Variants in PHF21B observed in about 807,000 individuals in gnomAD.
PHF21B encodes PHD finger protein 21B.
In PHF21B, 22 loss-of-function variants were observed where a neutral mutation model predicts 62.2. The observed-to-expected ratio is 0.35, with a 90% CI of 0.25 to 0.51. The LOEUF is 0.51. Among genes scored for constraint, PHF21B ranks in the 20% least tolerant of loss-of-function variants. The probability of loss-of-function intolerance (pLI) is 0.97; values close to 1 mark genes in which losing one functional copy is unlikely to be tolerated. For missense variants in PHF21B, 701 were observed against 707.9 expected (o/e 0.99, Z 0.11); for synonymous variants, 341 against 314.7 (o/e 1.08, Z -0.88).
intron 2 of PHF21B, among the ~76,000 whole-genome samples, chr22:44,991,874 T>C (rs941065464): frequency 5.9e-5 from 9 of 152,270 alleles, no homozygotes; most frequent in Non-Finnish European, 1.2e-4. Context: ...TGTCTTCACT[T>C]TCTTTGGTTT....
intron 2 of PHF21B, among the ~76,000 whole-genome samples, chr22:44,930,041 C>A (rs2071709746): frequency 6.6e-6 from 1 of 152,248 alleles, no homozygotes. Flanking sequence ...TTCCCAGCAG[C>A]CAGAGGGAAG....
At chr22:45,008,409 A>C in intron 2 of PHF21B, 136 bp downstream of exon 2, 1 of 723,938 alleles carries the variant, frequency 1.4e-6, no homozygotes, top group Non-Finnish European at 1.9e-6. Context: ...AGGGGTGGGG[A>C]ACTTTGAGAA....
At chr22:44,913,404 A>G (rs914547751) in intron 5 of PHF21B, among the ~76,000 whole-genome samples, 1 of 152,174 alleles carries the variant, frequency 6.6e-6, no homozygotes. Context: ...GTAGTGGCCA[A>G]AAGTCCCCAC....
chr22:44,887,278 G>C (rs1428867164), intron 10 of PHF21B, among the ~76,000 whole-genome samples: 1 of 152,060 alleles, frequency 6.6e-6, no homozygotes, highest in Non-Finnish European at 1.5e-5. Flanking sequence ...CCACACTCAG[G>C]GGCCACACTC....
chr22:44,911,070 T>C (rs539206780), intron 5 of PHF21B, among the ~76,000 whole-genome samples: 8 of 152,330 alleles, frequency 5.3e-5, no homozygotes, highest in Non-Finnish European at 8.8e-5. Context: ...GGCGGCATTT[T>C]GCCTCTGCTC....
Position 44,899,371 on chromosome 22 carries a change from A to G in PHF21B, c.832-3288T>C, listed in dbSNP as rs190713794. Among the ~76,000 whole-genome samples the G allele has an allele frequency of 2.7e-3, 398 of 145,578 alleles. 2 individuals are homozygous for G. Among genetic ancestry groups the G allele is most frequent in the African/African-American group, 9.7e-3 (383 of 39,416 alleles). On this transcript the variant is annotated intron_variant, in intron 5 of 12. Transcript: ENST00000313237. ...AGTGGCATGATCTCAGCTCACTGCA[A>G]TCTCCGCCTCCTGGTTTCAACCGAT...
At chr22:44,943,719 C>T (rs1280222340) in intron 2 of PHF21B, among the ~76,000 whole-genome samples, 1 of 152,166 alleles carries the variant, frequency 6.6e-6, no homozygotes, top group Admixed American at 6.5e-5. Context: ...GACAGCGACT[C>T]CTGGGCCGTG....
At chr22:44,948,504 A>G (rs1171485832) in intron 2 of PHF21B, among the ~76,000 whole-genome samples, 2 of 151,684 alleles carry the variant, frequency 1.3e-5, no homozygotes, top group Non-Finnish European at 2.9e-5. Flanking sequence ...CAACACGGCA[A>G]AATCCATCTC....
chr22:45,007,800 G>C (rs910063903), intron 2 of PHF21B, among the ~76,000 whole-genome samples: 3 of 150,246 alleles, frequency 2.0e-5, no homozygotes, highest in African/African-American at 7.3e-5. Context: ...GGGGCGCGCG[G>C]CCGGCCGGGC....
intron 7 of PHF21B, 109 bp downstream of exon 7, chr22:44,893,348 G>A (rs566338684): frequency 1.7e-5 from 17 of 1,028,264 alleles, no homozygotes; most frequent in South Asian, 7.5e-5. Flanking sequence ...AGGGACAGAC[G>A]AGGGGGGTGC....
At chr22:44,993,736 C>T (rs1440034743) in intron 2 of PHF21B, among the ~76,000 whole-genome samples, 2 of 152,230 alleles carry the variant, frequency 1.3e-5, no homozygotes, top group African/African-American at 2.4e-5. Context: ...GCTGTGTGTG[C>T]ACCCAGGAGA....
chr22:44,906,460 C>T (rs1236560383), intron 5 of PHF21B, among the ~76,000 whole-genome samples: 1 of 152,204 alleles, frequency 6.6e-6, no homozygotes, highest in Non-Finnish European at 1.5e-5. Flanking sequence ...ACAGGGCTTG[C>T]TCAGAGAGGT....
intron 2 of PHF21B, among the ~76,000 whole-genome samples, chr22:44,940,247 G>A (rs2071930322): frequency 6.6e-6 from 1 of 152,210 alleles, no homozygotes; most frequent in African/African-American, 2.4e-5. Flanking sequence ...ACACCCTCCA[G>A]CCACCTTAAT....
intron 2 of PHF21B, among the ~76,000 whole-genome samples, chr22:44,945,023 C>A (rs899346104): frequency 8.2e-6 from 1 of 122,414 alleles, no homozygotes. Flanking sequence ...GCTGCGCCTG[C>A]ACCTCAAAGG....
At chr22:44,908,887 T>A (rs976424253) in intron 5 of PHF21B, among the ~76,000 whole-genome samples, 6 of 152,186 alleles carry the variant, frequency 3.9e-5, no homozygotes, top group Non-Finnish European at 7.3e-5. Context: ...AACCTCCGCC[T>A]CCCAGGTTCA....
Position 44,956,637 on chromosome 22 carries a change from CG to C in PHF21B, c.121-36148del, listed in dbSNP as rs568855708. ...AGGCGGCTGCTGCCCAGGGAGACCTCGAGGGACCCTCCACAAGCGACCCCAG... is the reference window on the plus strand; with the variant it reads ...AGGCGGCTGCTGCCCAGGGAGACCTCAGGGACCCTCCACAAGCGACCCCAG... On this transcript the variant is annotated intron_variant, in intron 2 of 12. Coordinates refer to ENST00000313237, the MANE Select transcript of PHF21B (RefSeq NM_138415.5). 3.9e-3 allele frequency among the ~76,000 whole-genome samples: 599 copies of C among 152,244 alleles called. 5 individuals carry two copies. Among genetic ancestry groups the C allele is most frequent in the African/African-American group, 0.013 (544 of 41,546 alleles).
At chr22:45,003,777 A>G (rs926838259) in intron 2 of PHF21B, among the ~76,000 whole-genome samples, 1 of 152,230 alleles carries the variant, frequency 6.6e-6, no homozygotes, top group Non-Finnish European at 1.5e-5. Context: ...GTTGGACAGA[A>G]TGAGTTCTCT....
intron 2 of PHF21B, among the ~76,000 whole-genome samples, chr22:44,986,035 TCAG>T (rs1210490484): frequency 6.9e-6 from 1 of 144,316 alleles, no homozygotes; most frequent in African/African-American, 2.6e-5. Flanking sequence ...ACCATCACCA[TCAG>T]CACCACCACC....
At chr22:44,883,759 A>G (rs796961418) in intron 12 of PHF21B, among the ~76,000 whole-genome samples, 6 of 152,220 alleles carry the variant, frequency 3.9e-5, no homozygotes, top group African/African-American at 1.4e-4. Flanking sequence ...TGATGCCTAC[A>G]GTCCCATATC....
Sources: gnomAD v4.1 joint callset for allele counts (sites outside exome capture counted in the v4.1 genomes callset) on GRCh38, gnomAD v4.1.1 for gene constraint, MANE v1.5 for transcripts, NCBI Gene and HGNC (gene_info 2026-07-23, HGNC 2026-07-21) for gene names.